The following WIF1 variants were observed in gnomAD, a reference collection of about 807,000 sequenced individuals.
WIF1 encodes the protein Wnt inhibitory factor 1.
A neutral mutation model predicts 53.5 loss-of-function variants in WIF1; 35 were observed. The ratio of observed to expected loss-of-function variants is 0.65; its 90% CI spans 0.50 to 0.87. WIF1 has a LOEUF of 0.87. Ranked by LOEUF, WIF1 falls within the 40% of genes least tolerant of loss-of-function variation. The pLI is 0.00. For missense variants in WIF1, 467 were observed against 476.8 expected, an observed-to-expected ratio of 0.98 and a Z score of 0.19; for synonymous variants, 171 against 170.4, an observed-to-expected ratio of 1.00 and a Z score of -0.03.
intron 2 of WIF1, among the ~76,000 whole-genome samples, chr12:65,094,066 A>G (rs1883165148): frequency 1.3e-5 from 2 of 152,158 alleles, no homozygotes; most frequent in South Asian, 4.1e-4. Flanking sequence ...CATAATACAC[A>G]TATCTCTTCC....
At chr12:65,072,377 A>G (rs1882797660) in intron 3 of WIF1, among the ~76,000 whole-genome samples, 2 of 152,196 alleles carry the variant, frequency 1.3e-5, no homozygotes, top group African/African-American at 2.4e-5. Flanking sequence ...TTACATTTAT[A>G]TATTTTACAA....
chr12:65,062,463 C>A lies in WIF1; in HGVS notation c.826+18G>T. 1.3e-6 allele frequency: 2 copies of A among 1,594,972 alleles called. No individual in the cohort carries two copies. The highest frequency in any genetic ancestry group is 1.7e-6 in the Non-Finnish European group (2 of 1,168,062). On this transcript the variant is annotated intron_variant, in intron 7 of 9. Transcript: ENST00000286574. ...AAGGTCTCCCCAAGTCAAAAGAACG[C>A]AGAAAGTCAATACTCACTGATTTCA...
chr12:65,115,979 TAATACAAAAC>T (rs1883502831), intron 2 of WIF1, among the ~76,000 whole-genome samples: 1 of 152,224 alleles, frequency 6.6e-6, no homozygotes, highest in Non-Finnish European at 1.5e-5. Context: ...AAAGTATTTA[TAATACAAAAC>T]ATCATACAAT....
intron 2 of WIF1, among the ~76,000 whole-genome samples, chr12:65,093,024 A>G (rs1044357865): frequency 6.6e-6 from 1 of 152,172 alleles, no homozygotes; most frequent in African/African-American, 2.4e-5. Flanking sequence ...GGAAAGGAGA[A>G]TATTAACTTT....
intron 2 of WIF1, among the ~76,000 whole-genome samples, chr12:65,119,177 G>A (rs1475867041): frequency 6.6e-6 from 1 of 152,174 alleles, no homozygotes; most frequent in Non-Finnish European, 1.5e-5. Context: ...CAACTTAATT[G>A]TTTATGAAGT....
intron 2 of WIF1, among the ~76,000 whole-genome samples, chr12:65,109,738 G>A (rs1270777457): frequency 6.6e-6 from 1 of 152,194 alleles, no homozygotes; most frequent in Non-Finnish European, 1.5e-5. Context: ...TTACCTATGT[G>A]ATCTTGGGCA....
rs553050874 is a variant in WIF1 at position 65,075,992 on chromosome 12, C to A, written c.397+1754G>T. Among the ~76,000 whole-genome samples, 4 of 152,114 alleles carry A rather than the reference C, an allele frequency of 2.6e-5. No individual in the cohort carries two copies. In the South Asian group the frequency reaches 8.3e-4, roughly 32 times the overall value. On this transcript the variant is annotated intron_variant, in intron 3 of 9. Coordinates refer to ENST00000286574, the MANE Select transcript of WIF1 (RefSeq NM_007191.5). ...TCTACCTTAATAGGAATAAAAAATA[C>A]CAAAAGAAGACTGTGACAAATGACT...
intron 6 of WIF1, among the ~76,000 whole-genome samples, chr12:65,063,584 C>A (rs1217321387): frequency 6.6e-6 from 1 of 151,904 alleles, no homozygotes; most frequent in Middle Eastern, 3.2e-3. Flanking sequence ...AAAAAAAGTC[C>A]ACAAAGCAAA....
chr12:65,060,221 G>A (rs1210837840), intron 7 of WIF1, among the ~76,000 whole-genome samples: 5 of 152,092 alleles, frequency 3.3e-5, no homozygotes, highest in African/African-American at 1.2e-4. Flanking sequence ...AAATGGAAAC[G>A]TCCACACAAG....
chr12:65,065,885 T>C (rs142589300), intron 6 of WIF1, among the ~76,000 whole-genome samples: 1 of 152,178 alleles, frequency 6.6e-6, no homozygotes, highest in African/African-American at 2.4e-5. Context: ...ATTCACTTAC[T>C]AAGAGTAAAA....
chr12:65,106,794 C>T (rs1207039133), intron 2 of WIF1, among the ~76,000 whole-genome samples: 1 of 152,186 alleles, frequency 6.6e-6, no homozygotes, highest in Admixed American at 6.5e-5. Context: ...CAACTCTGCT[C>T]TTCTGTGTCT....
At chr12:65,073,294 G>A (rs7961475) in intron 3 of WIF1, among the ~76,000 whole-genome samples, 14 of 152,136 alleles carry the variant, frequency 9.2e-5, no homozygotes, top group Admixed American at 3.3e-4. Context: ...GCTAAGAACT[G>A]AGGTCACCTA....
chr12:65,107,094 G>C (rs1883362881), intron 2 of WIF1, among the ~76,000 whole-genome samples: 2 of 152,144 alleles, frequency 1.3e-5, no homozygotes, highest in Admixed American at 1.3e-4. Context: ...CTGTTACACA[G>C]AGAGCACCTG....
At chr12:65,112,503 A>G (rs949637955) in intron 2 of WIF1, among the ~76,000 whole-genome samples, 35 of 150,910 alleles carry the variant, frequency 2.3e-4, no homozygotes, top group Non-Finnish European at 4.6e-4. Flanking sequence ...TTTATTAAGA[A>G]AGAAGAGCTA....
chr12:65,093,541 C>T (rs1354216194), intron 2 of WIF1, among the ~76,000 whole-genome samples: 1 of 151,952 alleles, frequency 6.6e-6, no homozygotes, highest in Non-Finnish European at 1.5e-5. Flanking sequence ...TAGATGTATA[C>T]CTATTTAATG....
intron 4 of WIF1, among the ~76,000 whole-genome samples, chr12:65,068,424 A>G (rs541868605): frequency 1.3e-5 from 2 of 152,236 alleles, no homozygotes; most frequent in East Asian, 3.9e-4. Context: ...ACAGAGCAAG[A>G]AAGGGGGAAA....
chr12:65,067,543 C>A, intron 5 of WIF1, 152 bp downstream of exon 5: 2 of 698,346 alleles, frequency 2.9e-6, no homozygotes, highest in Non-Finnish European at 2.5e-6. Flanking sequence ...CCAGGAATGG[C>A]CACAGAAAGT....
At chr12:65,107,928 A>C (rs1216830531) in intron 2 of WIF1, among the ~76,000 whole-genome samples, 1 of 152,204 alleles carries the variant, frequency 6.6e-6, no homozygotes, top group Non-Finnish European at 1.5e-5. Context: ...CGACTATAGT[A>C]GGCCCAATTA....
chr12:65,057,814 AC>A (rs1044704585), intron 7 of WIF1, among the ~76,000 whole-genome samples: 5 of 152,208 alleles, frequency 3.3e-5, no homozygotes, highest in Non-Finnish European at 5.9e-5. Flanking sequence ...ACTATTCTTG[AC>A]AAACAAGAAG....
Sources: allele counts gnomAD v4.1 joint callset (sites outside exome capture counted in the v4.1 genomes callset), GRCh38; gene constraint gnomAD v4.1.1; transcripts MANE v1.5; gene names NCBI Gene and HGNC (gene_info 2026-07-23, HGNC 2026-07-21).